ASIC2: variants seen among roughly 807,000 people sequenced by gnomAD.
ASIC2 encodes the protein acid-sensing ion channel 2.
ASIC2 carries 25 observed loss-of-function variants against 57.3 expected under a neutral mutation model. The observed-to-expected ratio is 0.44, with a 90% confidence interval of 0.32 to 0.61. The LOEUF is 0.61. Ranked by LOEUF, ASIC2 falls within the 20% of genes least tolerant of loss-of-function variation. The pLI, the probability that ASIC2 is intolerant of heterozygous loss-of-function variation, is 0.06. For missense variants in ASIC2, 641 were observed against 738.1 expected (o/e 0.87, Z 1.52); for synonymous variants, 319 against 307.5 (o/e 1.04, Z -0.39).
At chr17:33,824,209 C>T (rs919534237) in intron 1 of ASIC2, among the ~76,000 whole-genome samples, 2 of 152,108 alleles carry the variant, frequency 1.3e-5, no homozygotes, top group Non-Finnish European at 2.9e-5. Context: ...TCCGAATGCC[C>T]AGGCGGGCCT....
chr17:33,708,858 G>C (rs1908940482), intron 1 of ASIC2, among the ~76,000 whole-genome samples: 1 of 152,160 alleles, frequency 6.6e-6, no homozygotes. Flanking sequence ...CGCACAAGCA[G>C]GAGCCCTGTT....
At chr17:34,086,557 G>A (rs938475511) in intron 1 of ASIC2, among the ~76,000 whole-genome samples, 23 of 152,020 alleles carry the variant, frequency 1.5e-4, no homozygotes, top group Admixed American at 8.5e-4. Context: ...TATTAGGTCC[G>A]CTTGGTGCAG....
chr17:33,401,583 G>A (rs1387944507), intron 1 of ASIC2, among the ~76,000 whole-genome samples: 1 of 152,116 alleles, frequency 6.6e-6, no homozygotes, highest in African/African-American at 2.4e-5. Context: ...GCCCCTAATT[G>A]AGCTTAATGA....
At chr17:33,260,067 A>G (rs1437657509) in intron 1 of ASIC2, among the ~76,000 whole-genome samples, 1 of 152,152 alleles carries the variant, frequency 6.6e-6, no homozygotes, top group Non-Finnish European at 1.5e-5. Context: ...GAGCCCAGGG[A>G]GTTCAAAGCT....
chr17:33,652,724 C>T (rs1032764218), intron 1 of ASIC2, among the ~76,000 whole-genome samples: 6 of 152,208 alleles, frequency 3.9e-5, no homozygotes, highest in African/African-American at 7.2e-5. Context: ...GGGAGGAGAC[C>T]GTTCTTCCTG....
chr17:34,111,289 TTATA>T (rs1454970214), intron 1 of ASIC2, among the ~76,000 whole-genome samples: 2 of 148,114 alleles, frequency 1.4e-5, no homozygotes, highest in Non-Finnish European at 3.0e-5. Flanking sequence ...TATTATATAA[TTATA>T]TAATATAATG....
chr17:33,432,979 T>C (rs1329239899), intron 1 of ASIC2, among the ~76,000 whole-genome samples: 1 of 152,228 alleles, frequency 6.6e-6, no homozygotes, highest in Non-Finnish European at 1.5e-5. Context: ...TCAACCATTG[T>C]GGAAAACGGT....
At chr17:33,464,100 C>T (rs1407947204) in intron 1 of ASIC2, among the ~76,000 whole-genome samples, 2 of 152,204 alleles carry the variant, frequency 1.3e-5, no homozygotes, top group Non-Finnish European at 2.9e-5. Flanking sequence ...GTCCACTGCC[C>T]TGTTGCCTGT....
chr17:33,882,193 G>T (rs1009932512), intron 1 of ASIC2, among the ~76,000 whole-genome samples: 4 of 152,164 alleles, frequency 2.6e-5, no homozygotes, highest in Non-Finnish European at 5.9e-5. Context: ...TCGGGACATA[G>T]GCATGGGCAA....
intron 1 of ASIC2, among the ~76,000 whole-genome samples, chr17:33,991,777 G>A (rs1236083853): frequency 2.0e-5 from 3 of 152,124 alleles, no homozygotes; most frequent in Non-Finnish European, 4.4e-5. Context: ...GTTTTTCCTT[G>A]GTTATAGGAA....
intron 1 of ASIC2, among the ~76,000 whole-genome samples, chr17:33,620,248 A>AAAAC (rs1032633364): frequency 7.9e-5 from 12 of 151,428 alleles, no homozygotes; most frequent in African/African-American, 2.7e-4. Context: ...ATGAAAAAAA[A>AAAAC]AAAAAAAAAA....
chr17:33,425,265 A>T (rs1268950517), intron 1 of ASIC2, among the ~76,000 whole-genome samples: 1 of 152,232 alleles, frequency 6.6e-6, no homozygotes, highest in African/African-American at 2.4e-5. Flanking sequence ...TGGCACATAG[A>T]GACCTTGAGA....
chr17:33,521,738 A>C (rs756128619), intron 1 of ASIC2, among the ~76,000 whole-genome samples: 173 of 152,246 alleles, frequency 1.1e-3, no homozygotes, highest in Non-Finnish European at 2.2e-3. Flanking sequence ...CACTGCTAGG[A>C]CTGGAGCCCA....
rs771321947 is a variant in ASIC2 at position 33,017,590 on chromosome 17, A to T, written c.1521+15T>A. 1.2e-6 allele frequency: 2 copies of T among 1,606,172 alleles called. No homozygotes were observed. Among genetic ancestry groups the T allele is most frequent in the Admixed American group, 3.3e-5 (2 of 59,818 alleles). On this transcript the variant is annotated intron_variant, in intron 8 of 9. Coordinates refer to ENST00000225823, the MANE Select transcript of ASIC2 (RefSeq NM_183377.2). ...AGCATGCGGTCATTTCCCTGTGGGG[A>T]ATCCCAAATCTTACCTCATAAATAT... is the stretch of plus-strand genomic sequence containing the variant.
chr17:33,415,039 T>C (rs747500638), intron 1 of ASIC2, among the ~76,000 whole-genome samples: 8 of 152,238 alleles, frequency 5.3e-5, no homozygotes, highest in Non-Finnish European at 1.0e-4. Flanking sequence ...CTCATACTAG[T>C]GGAGGGCAGT....
chr17:33,818,076 C>T (rs1912639662), intron 1 of ASIC2, among the ~76,000 whole-genome samples: 1 of 152,308 alleles, frequency 6.6e-6, no homozygotes, highest in Non-Finnish European at 1.5e-5. Context: ...AGCATCCTTT[C>T]CACTTCATTC....
At chr17:33,519,701 G>A (rs1914684819) in intron 1 of ASIC2, among the ~76,000 whole-genome samples, 1 of 152,190 alleles carries the variant, frequency 6.6e-6, no homozygotes, top group African/African-American at 2.4e-5. Flanking sequence ...TCCTTAGGGA[G>A]GAGGAGGAGG....
intron 1 of ASIC2, among the ~76,000 whole-genome samples, chr17:33,746,372 ACATGTATATC>A (rs1254582154): frequency 6.8e-6 from 1 of 148,084 alleles, no homozygotes; most frequent in African/African-American, 2.5e-5. Context: ...ATGTAGATAT[ACATGTATATC>A]TACATATATA....
At chr17:33,703,059 T>A (rs1485038592) in intron 1 of ASIC2, among the ~76,000 whole-genome samples, 1 of 152,044 alleles carries the variant, frequency 6.6e-6, no homozygotes, top group African/African-American at 2.4e-5. Context: ...TAAGAGGGGA[T>A]ATGAAGAGTA....
Sources: gnomAD v4.1 joint callset for allele counts (sites outside exome capture counted in the v4.1 genomes callset) on GRCh38, gnomAD v4.1.1 for gene constraint, MANE v1.5 for transcripts, NCBI Gene and HGNC (gene_info 2026-07-23, HGNC 2026-07-21) for gene names.